Variants in MYLK observed in about 807,000 individuals in gnomAD.
The protein encoded by MYLK is myosin light chain kinase.
MYLK carries 106 observed loss-of-function variants against 203.4 expected under a neutral mutation model. The ratio of observed to expected loss-of-function variants is 0.52; its 90% CI spans 0.45 to 0.61. MYLK has a LOEUF of 0.61. Ranked by LOEUF, MYLK falls within the 20% of genes least tolerant of loss-of-function variation. The probability of loss-of-function intolerance (pLI) is 0.00; values close to 1 mark genes in which losing one functional copy is unlikely to be tolerated. For missense variants in MYLK, 2,072 were observed against 2,442.3 expected (o/e 0.85, Z 3.20); for synonymous variants, 867 against 959.5 (o/e 0.90, Z 1.78).
intron 20 of MYLK, 42 bp downstream of exon 20, chr3:123,682,182 C>T: frequency 1.3e-6 from 2 of 1,527,000 alleles, no homozygotes; most frequent in Non-Finnish European, 9.0e-7. Flanking sequence ...GGTGCCTGCC[C>T]CTGCCTCTGC....
intron 11 of MYLK, among the ~76,000 whole-genome samples, chr3:123,727,612 T>C (rs190557336): frequency 5.8e-4 from 89 of 152,212 alleles, no homozygotes; most frequent in Non-Finnish European, 8.8e-4. Context: ...TATTATCAAG[T>C]AGAAGCTGTG....
At chr3:123,768,365 C>T (rs1374068157) in intron 4 of MYLK, among the ~76,000 whole-genome samples, 1 of 152,200 alleles carries the variant, frequency 6.6e-6, no homozygotes, top group Non-Finnish European at 1.5e-5. Context: ...GAAGGACTGC[C>T]ACCAAATGCA....
intron 19 of MYLK, chr3:123,691,704 A>C (rs2060675269): frequency 6.6e-6 from 1 of 152,242 alleles, no homozygotes; most frequent in Non-Finnish European, 1.5e-5. Context: ...AGGAGGGAGA[A>C]GAACAACCAA....
intron 23 of MYLK, among the ~76,000 whole-genome samples, chr3:123,660,485 C>A (rs529330827): frequency 1.3e-3 from 198 of 152,282 alleles, no homozygotes; most frequent in African/African-American, 4.6e-3. Context: ...TTATTCCCCA[C>A]AGGCCAAGAC....
chr3:123,840,587 A>C (rs953893349), intron 2 of MYLK, among the ~76,000 whole-genome samples: 1 of 151,874 alleles, frequency 6.6e-6, no homozygotes, highest in African/African-American at 2.4e-5. Flanking sequence ...TGATATGAAA[A>C]TAAGATAAAG....
At chr3:123,734,964 C>T (rs913148225) in intron 9 of MYLK, 17 of 280,746 alleles carry the variant, frequency 6.1e-5, no homozygotes, top group Non-Finnish European at 9.9e-5. Flanking sequence ...AATGTGCGTT[C>T]GTGTGGTTTA....
chr3:123,740,088 G>A, intron 5 of MYLK, 87 bp from the exon 6 acceptor site: 1 of 1,301,960 alleles, frequency 7.7e-7, no homozygotes, highest in Non-Finnish European at 1.1e-6. Context: ...GGGTGGGTGG[G>A]ATAGTGATGG....
intron 12 of MYLK, among the ~76,000 whole-genome samples, chr3:123,723,198 G>A (rs1321626733): frequency 6.6e-6 from 1 of 151,606 alleles, no homozygotes; most frequent in Non-Finnish European, 1.5e-5. Flanking sequence ...CATAAAATTG[G>A]GGTCGGCCAG....
chr3:123,721,210 C>T (rs1356498664), intron 13 of MYLK, among the ~76,000 whole-genome samples: 5 of 152,226 alleles, frequency 3.3e-5, no homozygotes, highest in Admixed American at 6.5e-5. Context: ...TCATACAACA[C>T]GGAGATGTTC....
chr3:123,822,981 T>G (rs540296972), intron 3 of MYLK, among the ~76,000 whole-genome samples: 14 of 152,248 alleles, frequency 9.2e-5, no homozygotes, highest in South Asian at 8.3e-4. Context: ...GGTTCCAGTT[T>G]AATGGGGGAA....
At chr3:123,636,788 C>A (rs767635002) in intron 29 of MYLK, among the ~76,000 whole-genome samples, 5 of 152,190 alleles carry the variant, frequency 3.3e-5, no homozygotes, top group Non-Finnish European at 5.9e-5. Flanking sequence ...GGTTTTTCTG[C>A]TGATCTGGGG....
intron 33 of MYLK, chr3:123,616,456 G>A (rs538507299): frequency 1.3e-5 from 2 of 152,148 alleles, no homozygotes; most frequent in East Asian, 1.9e-4. Context: ...CATGTACCCC[G>A]CTTTTAAAGT....
intron 4 of MYLK, among the ~76,000 whole-genome samples, chr3:123,775,717 G>A (rs780788567): frequency 3.9e-5 from 6 of 152,210 alleles, no homozygotes; most frequent in Non-Finnish European, 7.3e-5. Flanking sequence ...AAAGGGGAAT[G>A]ACAAGTACCA....
At chr3:123,661,385 T>G (rs1335236511) in intron 23 of MYLK, among the ~76,000 whole-genome samples, 1 of 152,120 alleles carries the variant, frequency 6.6e-6, no homozygotes, top group Non-Finnish European at 1.5e-5. Flanking sequence ...AATCAGTGCT[T>G]CAGAACAGAT....
chr3:123,611,981 T>G lies in MYLK; in HGVS notation c.*2124A>C, dbSNP rs1037832468. The G allele has an allele frequency of 4.6e-5, 7 of 152,272 alleles. No individual in the cohort carries two copies. Among genetic ancestry groups the G allele is most frequent in the African/African-American group, 9.6e-5 (4 of 41,452 alleles). 9.4% of individuals were successfully genotyped at this position (152,272 alleles called of 1,614,324 possible). A position where few individuals can be genotyped will look rare whatever the true frequency, so the allele number is the denominator to read the frequency against. ...GATGATGCTTTGCTCACTTGCCCACTGCTAACCTCCTTATGTGTGACCTGG... is the reference window on the plus strand; with the variant it reads ...GATGATGCTTTGCTCACTTGCCCACGGCTAACCTCCTTATGTGTGACCTGG... On this transcript the variant is annotated 3_prime_UTR_variant, in exon 34 of 34. Coordinates refer to ENST00000360304, the MANE Select transcript of MYLK (RefSeq NM_053025.4).
intron 11 of MYLK, among the ~76,000 whole-genome samples, chr3:123,727,913 G>A (rs2108765444): frequency 6.6e-6 from 1 of 152,242 alleles, no homozygotes; most frequent in South Asian, 2.1e-4. Context: ...CTGTAGTATA[G>A]GAAAACAGAA....
At chr3:123,740,285 A>G (rs2062818190) in intron 5 of MYLK, among the ~76,000 whole-genome samples, 1 of 152,238 alleles carries the variant, frequency 6.6e-6, no homozygotes, top group Admixed American at 6.5e-5. Flanking sequence ...TCACAAAGTC[A>G]GTAACAGTGC....
At chr3:123,853,910 C>G (rs556468508) in intron 2 of MYLK, among the ~76,000 whole-genome samples, 1 of 152,212 alleles carries the variant, frequency 6.6e-6, no homozygotes, top group South Asian at 2.1e-4. Flanking sequence ...ATGTGACATG[C>G]TTTGACTAAC....
intron 2 of MYLK, among the ~76,000 whole-genome samples, chr3:123,846,911 AT>A (rs2030080279): frequency 6.6e-6 from 1 of 151,632 alleles, no homozygotes; most frequent in South Asian, 2.1e-4. Context: ...TTATCTATTA[AT>A]TTTTCTAATT....
Sources: allele counts gnomAD v4.1 joint callset (sites outside exome capture counted in the v4.1 genomes callset), GRCh38; gene constraint gnomAD v4.1.1; transcripts MANE v1.5; gene names NCBI Gene and HGNC (gene_info 2026-07-23, HGNC 2026-07-21).